The following IMMP2L variants were observed in gnomAD, a reference collection of about 807,000 sequenced individuals.
The protein encoded by IMMP2L is mitochondrial inner membrane protease subunit 2.
In IMMP2L, 18 loss-of-function variants were observed where a neutral mutation model predicts 19.3. The observed-to-expected ratio is 0.93, with a 90% CI of 0.64 to 1.38. IMMP2L has a LOEUF of 1.38. Among genes scored for constraint, IMMP2L ranks in the 40% most tolerant of loss-of-function variants. The probability of loss-of-function intolerance (pLI) is 0.00; values close to 1 mark genes in which losing one functional copy is unlikely to be tolerated. For synonymous variants in IMMP2L, 76 were observed against 73.0 expected (o/e 1.04, Z -0.21); for missense variants, 233 against 218.2 (o/e 1.07, Z -0.43).
chr7:111,242,989 C>A (rs1172315202), intron 3 of IMMP2L, among the ~76,000 whole-genome samples: 3 of 152,034 alleles, frequency 2.0e-5, no homozygotes, highest in East Asian at 1.9e-4. Context: ...AAAAGGAGAT[C>A]TTAAAATATT....
chr7:111,066,680 C>T (rs1794532009), intron 3 of IMMP2L, among the ~76,000 whole-genome samples: 1 of 152,182 alleles, frequency 6.6e-6, no homozygotes, highest in South Asian at 2.1e-4. Context: ...ATTTAACCTT[C>T]CCCCAGATGG....
At chr7:111,513,762 T>C (rs777471281) in intron 2 of IMMP2L, among the ~76,000 whole-genome samples, 1 of 152,134 alleles carries the variant, frequency 6.6e-6, no homozygotes, top group Non-Finnish European at 1.5e-5. Flanking sequence ...TGTGGGTTTC[T>C]GTATATATAT....
chr7:111,260,358 C>T (rs1817186257), intron 3 of IMMP2L, among the ~76,000 whole-genome samples: 2 of 152,150 alleles, frequency 1.3e-5, no homozygotes, highest in Admixed American at 1.3e-4. Flanking sequence ...CACCATCATA[C>T]ATGCAGCTCA....
intron 3 of IMMP2L, among the ~76,000 whole-genome samples, chr7:111,077,277 TG>T (rs1436473064): frequency 6.6e-6 from 1 of 152,208 alleles, no homozygotes; most frequent in African/African-American, 2.4e-5. Context: ...TTGTTTTACA[TG>T]GTTAAGCAAC....
At chr7:111,016,707 AT>A (rs2129564928) in intron 3 of IMMP2L, among the ~76,000 whole-genome samples, 1 of 100,764 alleles carries the variant, frequency 9.9e-6, no homozygotes, top group African/African-American at 4.2e-5. Flanking sequence ...ATTATATATA[AT>A]TTTATATATA....
At chr7:111,340,328 A>C (rs1826885834) in intron 3 of IMMP2L, among the ~76,000 whole-genome samples, 2 of 152,026 alleles carry the variant, frequency 1.3e-5, no homozygotes, top group Non-Finnish European at 2.9e-5. Context: ...ACTTTTTCCT[A>C]TGTCAAAGGA....
At chr7:111,493,688 G>C (rs1237333768) in intron 2 of IMMP2L, among the ~76,000 whole-genome samples, 1 of 143,186 alleles carries the variant, frequency 7.0e-6, no homozygotes, top group Non-Finnish European at 1.5e-5. Flanking sequence ...CTGGGCGACA[G>C]AGCAAGACTC....
chr7:111,376,745 C>G (rs115387463), intron 3 of IMMP2L, among the ~76,000 whole-genome samples: 2,455 of 152,122 alleles, frequency 0.016, 67 homozygotes, highest in African/African-American at 0.056. Context: ...GTGATACATA[C>G]AACATGATGA....
chr7:110,721,783 C>T (rs1014849713), intron 5 of IMMP2L, among the ~76,000 whole-genome samples: 1 of 152,004 alleles, frequency 6.6e-6, no homozygotes, highest in African/African-American at 2.4e-5. Context: ...AACTCGTGTG[C>T]TTACCGGAAG....
chr7:111,281,216 A>AAAGAAAGAAAGAAAG (rs1819809403), intron 3 of IMMP2L, among the ~76,000 whole-genome samples: 1 of 38,762 alleles, frequency 2.6e-5, no homozygotes, highest in African/African-American at 9.7e-5. Flanking sequence ...GAAAGAAAGA[A>AAAGAAAGAAAGAAAG]AAAGAAAGAA....
At chr7:110,745,324 C>G (rs1366420020) in intron 5 of IMMP2L, among the ~76,000 whole-genome samples, 1 of 152,184 alleles carries the variant, frequency 6.6e-6, no homozygotes, top group African/African-American at 2.4e-5. Flanking sequence ...TTGGAAAACA[C>G]TCCCAGGATA....
At position 110,728,324 on chromosome 7, in the gene IMMP2L, C is replaced by A. The variant is rs2130802551; in HGVS notation, c.409-64603G>T. Among the ~76,000 whole-genome samples, 1 of 152,052 alleles carries A rather than the reference C, an allele frequency of 6.6e-6. No homozygotes were observed. The highest frequency in any genetic ancestry group is 1.9e-4 in the East Asian group (1 of 5,152). ...AACCAGCCTGGGCAACATGGCAAAA[C>A]CCTGTATCTATAAAATATATAAAAA... On this transcript the variant is annotated intron_variant, in intron 5 of 5. Transcript: ENST00000405709. This position sits in a 1 kb window ranked among gnomAD's most constrained non-coding sequence, Gnocchi z 4.6.
chr7:110,843,117 C>T (rs997007651), intron 5 of IMMP2L, among the ~76,000 whole-genome samples: 10 of 151,920 alleles, frequency 6.6e-5, no homozygotes, highest in African/African-American at 9.7e-5. Context: ...GGAGTAACAA[C>T]GACGACAAAA....
intron 5 of IMMP2L, among the ~76,000 whole-genome samples, chr7:110,843,149 A>G (rs1340398717): frequency 2.6e-5 from 4 of 152,216 alleles, no homozygotes; most frequent in Non-Finnish European, 4.4e-5. Flanking sequence ...GACAGTGAAC[A>G]TGAACTTTTA....
rs568600562 is a variant in IMMP2L at position 110,967,778 on chromosome 7, T to C, written c.240-4213A>G. The stretch of plus-strand genomic sequence containing the variant: ...CATTAAGCCATATAACTTTACATCA[T>C]TATAATTTTAAAAATATATGTTTTT... On this transcript the variant is annotated intron_variant, in intron 3 of 5. Transcript: ENST00000405709. Among the ~76,000 whole-genome samples, 585 of 152,220 alleles carry C rather than the reference T, an allele frequency of 3.8e-3. 4 individuals are homozygous for C. The highest frequency in any genetic ancestry group is 0.014 in the African/African-American group (567 of 41,574).
chr7:111,453,245 C>T (rs1443332124), intron 3 of IMMP2L, among the ~76,000 whole-genome samples: 1 of 152,144 alleles, frequency 6.6e-6, no homozygotes, highest in African/African-American at 2.4e-5. Context: ...TAGCTTGCTT[C>T]TTCACTCTTA....
intron 3 of IMMP2L, among the ~76,000 whole-genome samples, chr7:111,059,223 C>A (rs1335110276): frequency 6.6e-6 from 1 of 152,096 alleles, no homozygotes. Context: ...ACCTTGTGAT[C>A]CGCCTGCCTC....
rs1157660179 is a variant in IMMP2L, at chr7:111,281,156, CAGAAAGAAAGAAAGAAAGAAAGAA to C, written c.239+206058_239+206081del. Among the ~76,000 whole-genome samples, 593 of 67,814 alleles carry C rather than the reference CAGAAAGAAAGAAAGAAAGAAAGAA, an allele frequency of 8.7e-3. 11 individuals carry two copies. Among genetic ancestry groups the C allele is most frequent in the Middle Eastern group, 0.049 (6 of 122 alleles). 44.5% of individuals were successfully genotyped at this position (67,814 alleles called of 152,430 possible). ...AGAGAAAGACAGAAAGACAGAAAGACAGAAAGAAAGAAAGAAAGAAAGAAAGAAAGAAAGAAAGAAAGAAAGAAA... is the reference window on the plus strand; with the variant it reads ...AGAGAAAGACAGAAAGACAGAAAGACAGAAAGAAAGAAAGAAAGAAAGAAA... On this transcript the variant is annotated intron_variant, in intron 3 of 5. Coordinates refer to ENST00000405709, the MANE Select transcript of IMMP2L (RefSeq NM_032549.4).
At chr7:110,846,348 C>CTTTTTTT (rs919194286) in intron 5 of IMMP2L, among the ~76,000 whole-genome samples, 9 of 126,420 alleles carry the variant, frequency 7.1e-5, no homozygotes, top group African/African-American at 1.2e-4. Flanking sequence ...ACCCTGATTT[C>CTTTTTTT]TTTTTTTTTT....
Sources: allele counts gnomAD v4.1 joint callset (sites outside exome capture counted in the v4.1 genomes callset), GRCh38; gene constraint gnomAD v4.1.1; non-coding constraint Gnocchi (gnomAD v3.1); transcripts MANE v1.5; gene names NCBI Gene and HGNC (gene_info 2026-07-23, HGNC 2026-07-21).